The following TESK2 variants were observed in gnomAD, a reference collection of about 807,000 sequenced individuals.
TESK2 encodes testis associated actin remodelling kinase 2.
TESK2 carries 39 observed loss-of-function variants against 57.1 expected under a neutral mutation model. That is an observed-to-expected ratio of 0.68 (90% CI 0.53 to 0.89). The LOEUF (loss-of-function observed/expected upper bound fraction) is 0.89, where lower values mean the gene tolerates loss of function less well. TESK2 is among the 40% of genes least tolerant of loss of function. TESK2 has a pLI of 0.00. For missense variants in TESK2, 646 were observed against 732.1 expected (o/e 0.88, Z 1.36); for synonymous variants, 249 against 267.9 (o/e 0.93, Z 0.69).
intron 1 of TESK2, 146 bp downstream of exon 1, chr1:45,490,706 A>AG (rs1653683540): frequency 6.6e-6 from 1 of 152,176 alleles, no homozygotes; most frequent in African/African-American, 2.4e-5. Context: ...CGCCGCTGAG[A>AG]GGGGGACCTC....
intron 2 of TESK2, among the ~76,000 whole-genome samples, chr1:45,438,449 C>T (rs765402977): frequency 1.7e-4 from 26 of 152,228 alleles, no homozygotes; most frequent in African/African-American, 5.1e-4. Flanking sequence ...TGAGCTGACA[C>T]GGTGCCACTG....
chr1:45,471,286 C>T (rs1021693903), intron 1 of TESK2, among the ~76,000 whole-genome samples: 2 of 152,050 alleles, frequency 1.3e-5, no homozygotes, highest in African/African-American at 2.4e-5. Context: ...CTCTTAATCG[C>T]TATGTTAATA....
chr1:45,418,071 T>C (rs924957584), intron 3 of TESK2, among the ~76,000 whole-genome samples: 3 of 152,220 alleles, frequency 2.0e-5, no homozygotes, highest in African/African-American at 7.2e-5. Flanking sequence ...ATAAAAAGAT[T>C]AGCAGGAAAG....
chr1:45,362,556 C>G (rs1449573441), intron 4 of TESK2, among the ~76,000 whole-genome samples: 3 of 152,206 alleles, frequency 2.0e-5, no homozygotes, highest in African/African-American at 7.2e-5. Flanking sequence ...AAGCTTATCT[C>G]TGAACAGTGG....
At chr1:45,417,812 C>T (rs112259254) in intron 3 of TESK2, among the ~76,000 whole-genome samples, 55 of 152,168 alleles carry the variant, frequency 3.6e-4, no homozygotes, top group Non-Finnish European at 3.8e-4. Flanking sequence ...AGGATGGTCT[C>T]GATCTCCTGA....
chr1:45,414,589 C>T (rs779455636), intron 3 of TESK2, among the ~76,000 whole-genome samples: 1 of 152,204 alleles, frequency 6.6e-6, no homozygotes. Context: ...TAAGAAAGTA[C>T]ATCAAGGAGA....
At chr1:45,346,193 T>G (rs527592170) in intron 9 of TESK2, among the ~76,000 whole-genome samples, 199 bp from the exon 10 acceptor site, 1 of 152,330 alleles carries the variant, frequency 6.6e-6, no homozygotes, top group Admixed American at 6.5e-5. Flanking sequence ...TGTCTTAGTG[T>G]TTGTCTTATC....
intron 7 of TESK2, among the ~76,000 whole-genome samples, 154 bp downstream of exon 7, chr1:45,347,454 TA>T (rs1326817795): frequency 6.6e-6 from 1 of 152,048 alleles, no homozygotes; most frequent in Non-Finnish European, 1.5e-5. Context: ...TAATTCCAGC[TA>T]CTTGGGAAGC....
chr1:45,379,470 G>C (rs538910098), intron 4 of TESK2, among the ~76,000 whole-genome samples: 1 of 152,228 alleles, frequency 6.6e-6, no homozygotes, highest in South Asian at 2.1e-4. Flanking sequence ...CATGGCCTTG[G>C]CTTGCTCATT....
rs372082139 is a variant in TESK2, at chr1:45,432,552, A to G, written c.223-10706T>C. 3.4e-3 allele frequency among the ~76,000 whole-genome samples: 506 copies of G among 150,326 alleles called. 5 individuals are homozygous for G. Among genetic ancestry groups the G allele is most frequent in the East Asian group, 0.031 (145 of 4,740 alleles). Reference sequence around the variant, plus strand: ...TAAAAATACAAAAAATTAGCCGGGCATGGTGGCAGGCGCCTGTAGTCCCAG... The same window carrying G: ...TAAAAATACAAAAAATTAGCCGGGCGTGGTGGCAGGCGCCTGTAGTCCCAG... On this transcript the variant is annotated intron_variant, in intron 2 of 10. Coordinates refer to ENST00000372086, the MANE Select transcript of TESK2 (RefSeq NM_007170.3).
At chr1:45,399,180 C>T (rs1209381103) in intron 3 of TESK2, among the ~76,000 whole-genome samples, 1 of 138,950 alleles carries the variant, frequency 7.2e-6, no homozygotes, top group Admixed American at 7.3e-5. Context: ...ACAAGGTCTC[C>T]ATCTTTTGCC....
chr1:45,425,253 T>C (rs777301289), intron 2 of TESK2, among the ~76,000 whole-genome samples: 1 of 152,212 alleles, frequency 6.6e-6, no homozygotes, highest in Non-Finnish European at 1.5e-5. Context: ...AGCATTTCTA[T>C]ATGCCAACAG....
chr1:45,356,411 G>C (rs1647425759), intron 4 of TESK2, among the ~76,000 whole-genome samples: 1 of 151,920 alleles, frequency 6.6e-6, no homozygotes. Context: ...AGGATCGCTT[G>C]AGCTCAGGAG....
chr1:45,363,164 T>C (rs1647764510), intron 4 of TESK2, among the ~76,000 whole-genome samples: 1 of 152,232 alleles, frequency 6.6e-6, no homozygotes, highest in Non-Finnish European at 1.5e-5. Context: ...GTTTGGTGTT[T>C]AGCTCATAGT....
intron 1 of TESK2, among the ~76,000 whole-genome samples, chr1:45,467,573 G>A (rs1053085261): frequency 1.7e-4 from 25 of 151,416 alleles, no homozygotes; most frequent in Non-Finnish European, 5.9e-5. Flanking sequence ...CTCATGATCC[G>A]CCCGCCTTGG....
intron 2 of TESK2, among the ~76,000 whole-genome samples, chr1:45,447,457 C>T (rs546189005): frequency 6.6e-6 from 1 of 152,110 alleles, no homozygotes; most frequent in East Asian, 1.9e-4. Context: ...ATCTCCACAT[C>T]TTGTCTCAAC....
intron 3 of TESK2, among the ~76,000 whole-genome samples, chr1:45,406,178 C>T (rs1281765013): frequency 2.6e-5 from 4 of 152,174 alleles, no homozygotes; most frequent in African/African-American, 7.2e-5. Flanking sequence ...CTGCAATGAG[C>T]TGTGATCATG....
intron 1 of TESK2, among the ~76,000 whole-genome samples, chr1:45,458,649 C>T (rs1379170536): frequency 6.6e-6 from 1 of 151,744 alleles, no homozygotes; most frequent in Non-Finnish European, 1.5e-5. Context: ...CCTTTATAGC[C>T]TCATATAATA....
intron 1 of TESK2, among the ~76,000 whole-genome samples, chr1:45,472,614 A>G (rs1004415422): frequency 6.6e-6 from 1 of 151,688 alleles, no homozygotes; most frequent in South Asian, 2.1e-4. Context: ...AGAGGTACCC[A>G]GATGACTCCA....
Sources: gnomAD v4.1 joint callset for allele counts (sites outside exome capture counted in the v4.1 genomes callset) on GRCh38, gnomAD v4.1.1 for gene constraint, MANE v1.5 for transcripts, NCBI Gene and HGNC (gene_info 2026-07-23, HGNC 2026-07-21) for gene names.